The following SOCS7 variants were observed in gnomAD, a reference collection of about 807,000 sequenced individuals.
The protein encoded by SOCS7 is NAP-4.
Under a neutral mutation model 58.9 loss-of-function variants are expected in SOCS7, and 18 were observed. The observed-to-expected ratio is 0.31, with a 90% CI of 0.21 to 0.45. SOCS7 has a LOEUF of 0.45. Ranked by LOEUF, SOCS7 falls within the 20% of genes least tolerant of loss-of-function variation. SOCS7 has a pLI of 1.00. For synonymous variants in SOCS7, 388 were observed against 364.3 expected (o/e 1.06, Z -0.74); for missense variants, 667 against 837.3 (o/e 0.80, Z 2.51).
chr17:38,402,078 C>T lies in SOCS7; in HGVS notation c.*2596C>T, dbSNP rs573692935. 1.3e-5 allele frequency: 2 copies of T among 152,494 alleles called. No individual in the cohort carries two copies. The highest frequency in any genetic ancestry group is 4.8e-5 in the African/African-American group (2 of 41,584). The allele number at this position is 152,494 out of a possible 1,614,324, so 9.4% of individuals were successfully genotyped here. ...AACAAACCAACTGAGGAGGTGTGAC[C>T]CAACCTCACCACCCACCTTTCTCCT... On this transcript the variant is annotated 3_prime_UTR_variant, in exon 10 of 10. Transcript: ENST00000612932.
At chr17:38,377,067 A>G (rs2037940929) in intron 6 of SOCS7, among the ~76,000 whole-genome samples, 2 of 152,072 alleles carry the variant, frequency 1.3e-5, no homozygotes, top group South Asian at 4.1e-4. Context: ...GGATAAGTAC[A>G]CTCTGATGTT....
At chr17:38,394,506 C>T (rs924317712) in intron 7 of SOCS7, among the ~76,000 whole-genome samples, 1 of 151,966 alleles carries the variant, frequency 6.6e-6, no homozygotes, top group Non-Finnish European at 1.5e-5. Flanking sequence ...GAACCAGCCT[C>T]TCTGCTGAAC....
chr17:38,395,477 T>A, intron 8 of SOCS7, 33 bp downstream of exon 8: 4 of 1,602,298 alleles, frequency 2.5e-6, no homozygotes, highest in Non-Finnish European at 3.4e-6. Context: ...GGGACAGGAA[T>A]GAGTAAGGGG....
At chr17:38,380,288 A>G (rs1265099971) in intron 7 of SOCS7, among the ~76,000 whole-genome samples, 10 of 152,074 alleles carry the variant, frequency 6.6e-5, no homozygotes, top group Non-Finnish European at 2.9e-5. Flanking sequence ...ATTTAAATAT[A>G]TTGACATTTT....
chr17:38,392,862 C>A (rs915666226), intron 7 of SOCS7, among the ~76,000 whole-genome samples: 1 of 152,188 alleles, frequency 6.6e-6, no homozygotes, highest in African/African-American at 2.4e-5. Flanking sequence ...TTCCTTAGGG[C>A]AGGTGTTCAA....
chr17:38,387,816 C>T (rs1362213355), intron 7 of SOCS7, among the ~76,000 whole-genome samples: 1 of 141,970 alleles, frequency 7.0e-6, no homozygotes, highest in Non-Finnish European at 1.5e-5. Flanking sequence ...GTCACCCAGG[C>T]TAGAGTGCAG....
At chr17:38,363,161 C>A (rs2037742851) in intron 2 of SOCS7, among the ~76,000 whole-genome samples, 1 of 152,034 alleles carries the variant, frequency 6.6e-6, no homozygotes, top group South Asian at 2.1e-4. Context: ...TTCAGGTCAG[C>A]CTCAGCCCTC....
intron 6 of SOCS7, among the ~76,000 whole-genome samples, chr17:38,368,506 C>CTT (rs11314039): frequency 3.3e-4 from 48 of 145,802 alleles, no homozygotes; most frequent in African/African-American, 6.7e-4. Context: ...GAATTTCTTT[C>CTT]TTTTTTTTTT....
chr17:38,389,954 C>T (rs1174145613), intron 7 of SOCS7, among the ~76,000 whole-genome samples: 1 of 92,886 alleles, frequency 1.1e-5, no homozygotes, highest in Non-Finnish European at 2.2e-5. Flanking sequence ...CAGAGTCTCT[C>T]TCTGTCACCG....
chr17:38,404,561 CAG>C lies in SOCS7; in HGVS notation c.*5081_*5082del, dbSNP rs2038365016. 1 of 152,316 alleles carries C rather than the reference CAG, an allele frequency of 6.6e-6. No individual in the cohort carries two copies. Among genetic ancestry groups the C allele is most frequent in the Non-Finnish European group, 1.5e-5 (1 of 68,144 alleles). The allele number at this position is 152,316 out of a possible 1,614,324, so 9.4% of individuals were successfully genotyped here. A position where few individuals can be genotyped will look rare whatever the true frequency, so the allele number is the denominator to read the frequency against. On this transcript the variant is annotated 3_prime_UTR_variant, in exon 10 of 10. Transcript: ENST00000612932. ...ACACCAAGAGGCCTGGAGGGGCAGACAGAAAGCAGCCAGCCACGGCGGGAAGA... is the reference window on the plus strand; with the variant it reads ...ACACCAAGAGGCCTGGAGGGGCAGACAAAGCAGCCAGCCACGGCGGGAAGA...
intron 2 of SOCS7, among the ~76,000 whole-genome samples, chr17:38,364,331 G>A (rs2037758737): frequency 1.3e-5 from 2 of 152,164 alleles, no homozygotes. Flanking sequence ...TAGGTTTTCT[G>A]GCCCTTGCTT....
At chr17:38,367,412 A>G (rs1478905481) in intron 5 of SOCS7, among the ~76,000 whole-genome samples, 1 of 146,260 alleles carries the variant, frequency 6.8e-6, no homozygotes, top group Non-Finnish European at 1.5e-5. Context: ...CTCACTGTGT[A>G]ACCCAGGCTG....
At chr17:38,382,583 A>G (rs1181719811) in intron 7 of SOCS7, among the ~76,000 whole-genome samples, 1 of 151,816 alleles carries the variant, frequency 6.6e-6, no homozygotes, top group Non-Finnish European at 1.5e-5. Context: ...CCGCCTCCCG[A>G]GTTCAAACGA....
At chr17:38,377,633 C>T (rs1285628495) in intron 6 of SOCS7, 81 bp from the exon 7 acceptor site, 3 of 1,369,036 alleles carry the variant, frequency 2.2e-6, no homozygotes, top group Middle Eastern at 2.0e-4. Flanking sequence ...AAGTGAGAAT[C>T]ATAGTTAAAA....
intron 6 of SOCS7, among the ~76,000 whole-genome samples, chr17:38,373,535 TAA>T (rs2037893745): frequency 3.3e-5 from 5 of 152,246 alleles, no homozygotes; most frequent in African/African-American, 1.2e-4. Context: ...ATTGGGTTAA[TAA>T]TCAGGACTAC....
chr17:38,389,872 T>TATATATATGTACATATATATATGTAC (rs2038137782), intron 7 of SOCS7, among the ~76,000 whole-genome samples: 1 of 111,752 alleles, frequency 8.9e-6, no homozygotes, highest in Non-Finnish European at 1.8e-5. Flanking sequence ...TGTGTACATA[T>TATATATATGTACATATATATATGTAC]ATATATATAT....
intron 1 of SOCS7, among the ~76,000 whole-genome samples, chr17:38,359,995 C>G (rs2037694624): frequency 6.6e-6 from 1 of 151,682 alleles, no homozygotes; most frequent in African/African-American, 2.4e-5. Context: ...CCAGGCTGGT[C>G]ACGAACTCCT....
chr17:38,353,926 G>C (rs919438038), intron 1 of SOCS7, among the ~76,000 whole-genome samples: 4 of 152,150 alleles, frequency 2.6e-5, no homozygotes, highest in African/African-American at 4.8e-5. Flanking sequence ...AGCCTGTCTC[G>C]AGAAAATAGC....
Position 38,366,423 on chromosome 17 carries a change from T to C in SOCS7, c.1383+6T>C. ...GCCTTCGAGAGTTGGAGAAGGTAGG[T>C]GGTACCTAAGGACTGGCAGGTCACT... On this transcript the variant is annotated splice_donor_region_variant and intron_variant, in intron 5 of 9. Transcript: ENST00000612932. 6.2e-7 allele frequency: 1 copy of C among 1,614,174 alleles called. No homozygotes were observed. The highest frequency in any genetic ancestry group is 8.5e-7 in the Non-Finnish European group (1 of 1,180,014).
Sources: gnomAD v4.1 joint callset for allele counts (sites outside exome capture counted in the v4.1 genomes callset) on GRCh38, gnomAD v4.1.1 for gene constraint, MANE v1.5 for transcripts, NCBI Gene and HGNC (gene_info 2026-07-23, HGNC 2026-07-21) for gene names.